The following IFI16 variants were observed in gnomAD, a reference collection of about 807,000 sequenced individuals.
The protein encoded by IFI16 is interferon gamma inducible protein 16.
IFI16 carries 49 observed loss-of-function variants against 68.4 expected under a neutral mutation model. That is an observed-to-expected ratio of 0.72 (90% CI 0.57 to 0.91). IFI16 has a LOEUF of 0.91. IFI16 is among the 40% of genes least tolerant of loss of function. The probability of loss-of-function intolerance (pLI) is 0.00; values close to 1 mark genes in which losing one functional copy is unlikely to be tolerated. For synonymous variants in IFI16, 307 were observed against 315.0 expected, an observed-to-expected ratio of 0.97 and a Z score of 0.27; for missense variants, 878 against 942.9, an observed-to-expected ratio of 0.93 and a Z score of 0.90.
chr1:159,008,149 A>G (rs1652327992), upstream of IFI16, among the ~76,000 whole-genome samples: 1 of 152,190 alleles, frequency 6.6e-6, no homozygotes, highest in Non-Finnish European at 1.5e-5. Context: ...TAAAGAGAGA[A>G]ATGGAACACT....
At chr1:159,007,699 A>G (rs533110668), upstream of IFI16, among the ~76,000 whole-genome samples, 108 of 152,278 alleles carry the variant, frequency 7.1e-4, no homozygotes, top group Non-Finnish European at 1.3e-3. Context: ...AAGAGGTATC[A>G]GAGAGTGCTC....
In IFI16 at chr1:159,018,225, A is replaced by G. The variant is rs765867619; in HGVS notation, c.550-4A>G. 6.2e-7 allele frequency: 1 copy of G among 1,612,390 alleles called. No homozygotes were observed. The highest frequency in any genetic ancestry group is 8.5e-7 in the Non-Finnish European group (1 of 1,179,110). The stretch of plus-strand genomic sequence containing the variant: ...TCTTTGTTCTCCTGTGCTATCATAC[A>G]CAGAACCCGAAAACAGTGGCCAAAT... On this transcript the variant is annotated splice_polypyrimidine_tract_variant and splice_region_variant and intron_variant, in intron 4 of 11. Coordinates refer to ENST00000295809, the MANE Select transcript of IFI16 (RefSeq NM_001376587.1).
At chr1:159,014,462 T>G (rs1354666603) in intron 1 of IFI16, among the ~76,000 whole-genome samples, 199 bp from the exon 2 acceptor site, 1 of 76,470 alleles carries the variant, frequency 1.3e-5, no homozygotes, top group Non-Finnish European at 3.8e-5. Context: ...TCTCATTCAA[T>G]GGGAATAATT....
intron 7 of IFI16, among the ~76,000 whole-genome samples, chr1:159,035,754 GAT>G (rs920259571): frequency 0.016 from 82 of 5,064 alleles, no homozygotes; most frequent in South Asian, 0.033. Context: ...TCTTATCATT[GAT>G]TTTTTTTTTT....
intron 9 of IFI16, among the ~76,000 whole-genome samples, chr1:159,050,873 TG>T (rs1282645968): frequency 2.0e-5 from 3 of 152,180 alleles, no homozygotes; most frequent in Non-Finnish European, 4.4e-5. Context: ...AGTCTTCCAG[TG>T]GCTGCCTTAA....
upstream of IFI16, chr1:159,009,318 T>C (rs1202809273): frequency 6.6e-6 from 1 of 152,250 alleles, no homozygotes; most frequent in African/African-American, 2.4e-5. Flanking sequence ...AATGACTTTC[T>C]GATCTGGAAA....
At chr1:159,006,248 G>C (rs1257801912), upstream of IFI16, among the ~76,000 whole-genome samples, 2 of 152,186 alleles carry the variant, frequency 1.3e-5, no homozygotes, top group Non-Finnish European at 2.9e-5. Flanking sequence ...CCCGAGGAAG[G>C]GGCTTGATTA....
chr1:159,006,655 G>A (rs967293176), upstream of IFI16, among the ~76,000 whole-genome samples: 4 of 152,136 alleles, frequency 2.6e-5, no homozygotes, highest in Non-Finnish European at 5.9e-5. Flanking sequence ...TTATTTACAT[G>A]AGAAGCAAGG....
chr1:159,025,967 G>A (rs137918817), intron 6 of IFI16, among the ~76,000 whole-genome samples: 131 of 152,298 alleles, frequency 8.6e-4, no homozygotes, highest in African/African-American at 2.9e-3. Flanking sequence ...CTTTGTCAAA[G>A]ATCAGTTGGC....
At chr1:159,053,363 G>A (rs766812358) in intron 10 of IFI16, 170 bp from the exon 11 acceptor site, 4 of 438,548 alleles carry the variant, frequency 9.1e-6, no homozygotes, top group Middle Eastern at 6.0e-4. Context: ...GGAGTTGAAA[G>A]GCAGGATTCA....
intron 6 of IFI16, among the ~76,000 whole-genome samples, chr1:159,025,776 T>C (rs1481349799): frequency 6.6e-6 from 1 of 152,254 alleles, no homozygotes; most frequent in African/African-American, 2.4e-5. Flanking sequence ...TTTTCCGATA[T>C]TATCTTCTAG....
intron 1 of IFI16, among the ~76,000 whole-genome samples, chr1:159,011,357 T>C (rs886770159): frequency 6.7e-6 from 1 of 150,332 alleles, no homozygotes. Flanking sequence ...CACTCCAGCC[T>C]GGGTGACAGA....
At chr1:159,025,021 T>TA in intron 6 of IFI16, among the ~76,000 whole-genome samples, 1 of 152,312 alleles carries the variant, frequency 6.6e-6, no homozygotes, top group Non-Finnish European at 1.5e-5. Flanking sequence ...TTTCATCTTT[T>TA]AATAAGAACA....
chr1:159,039,149 C>T (rs1654480188), intron 7 of IFI16, among the ~76,000 whole-genome samples: 1 of 152,126 alleles, frequency 6.6e-6, no homozygotes, highest in African/African-American at 2.4e-5. Context: ...AGCCAGGACT[C>T]AATCACACAC....
intron 8 of IFI16, among the ~76,000 whole-genome samples, chr1:159,047,903 A>G (rs1384534022): frequency 6.6e-6 from 1 of 150,658 alleles, no homozygotes; most frequent in African/African-American, 2.4e-5. Context: ...GTGGAGGAGG[A>G]TTTATTCTGA....
rs919563704 is a variant in IFI16, at chr1:159,046,602, C to T, written c.1497+1138C>T. 1.1e-4 allele frequency among the ~76,000 whole-genome samples: 16 copies of T among 151,084 alleles called. 1 individual carries two copies. The highest frequency in any genetic ancestry group is 1.0e-3 in the Admixed American group (15 of 15,070). On this transcript the variant is annotated intron_variant, in intron 8 of 11. Transcript: ENST00000295809. ...CATTCCAGTTTCTTTGCAATCCTTT[C>T]TCTTTTGCTCTCTCACCATACATCA...
rs559211905 is a variant in IFI16 at position 159,033,235 on chromosome 1, C to G, written c.1329+544C>G. Among the ~76,000 whole-genome samples, 4 of 152,302 alleles carry G rather than the reference C, an allele frequency of 2.6e-5. No homozygotes were observed. The East Asian group carries it at 7.7e-4, about 29-fold the overall frequency. ...TTCTCGCTGATACAAGATACTGGAA[C>G]TGATGAGTCCTCCCATTCTTTGCTT... On this transcript the variant is annotated intron_variant, in intron 7 of 11. Coordinates refer to ENST00000295809, the MANE Select transcript of IFI16 (RefSeq NM_001376587.1).
At position 159,048,682 on chromosome 1, in the gene IFI16, C is replaced by G. The variant is rs142418774; in HGVS notation, c.1498-750C>G. On this transcript the variant is annotated intron_variant, in intron 8 of 11. Coordinates refer to ENST00000295809, the MANE Select transcript of IFI16 (RefSeq NM_001376587.1). ...CTTAAAAAATTAGGTTACTGAATGG[C>G]AAAACTGCTAAAATAATGTGCCACA... 9.7e-3 allele frequency among the ~76,000 whole-genome samples: 1,474 copies of G among 151,264 alleles called. 54 individuals carry two copies. The highest frequency in any genetic ancestry group is 0.033 in the African/African-American group (1,360 of 41,326).
At chr1:159,012,287 A>G (rs1172616894) in intron 1 of IFI16, among the ~76,000 whole-genome samples, 1 of 152,234 alleles carries the variant, frequency 6.6e-6, no homozygotes, top group Non-Finnish European at 1.5e-5. Flanking sequence ...CCTTAAGACA[A>G]GATGAAAGCA....
Sources: allele counts gnomAD v4.1 joint callset (sites outside exome capture counted in the v4.1 genomes callset), GRCh38; gene constraint gnomAD v4.1.1; transcripts MANE v1.5; gene names NCBI Gene and HGNC (gene_info 2026-07-23, HGNC 2026-07-21).